Variants in TRIM17 observed in about 807,000 individuals in gnomAD.
The protein encoded by TRIM17 is E3 ubiquitin-protein ligase TRIM17.
In TRIM17, 27 loss-of-function variants were observed where a neutral mutation model predicts 35.8. That is an observed-to-expected ratio of 0.75 (90% CI 0.56 to 1.04). The LOEUF is 1.04. Ranked by LOEUF, TRIM17 falls within the 50% of genes least tolerant of loss-of-function variation. The probability of loss-of-function intolerance (pLI) is 0.00; values close to 1 mark genes in which losing one functional copy is unlikely to be tolerated. For synonymous variants in TRIM17, 246 were observed against 252.6 expected, an observed-to-expected ratio of 0.97 and a Z score of 0.25; for missense variants, 582 against 612.8, an observed-to-expected ratio of 0.95 and a Z score of 0.53.
chr1:228,413,067 C>T (rs185226536), intron 3 of TRIM17, among the ~76,000 whole-genome samples: 10 of 151,884 alleles, frequency 6.6e-5, no homozygotes, highest in Admixed American at 2.6e-4. Context: ...AAAAGTTAGT[C>T]GGGCATGGTG....
At chr1:228,413,273 G>T (rs887449563) in intron 3 of TRIM17, among the ~76,000 whole-genome samples, 3 of 151,322 alleles carry the variant, frequency 2.0e-5, no homozygotes, top group Admixed American at 2.0e-4. Flanking sequence ...AGTGGTCAAG[G>T]CATCTATACC....
At chr1:228,415,336 C>T (rs1011577797) in intron 1 of TRIM17, 2 of 450,768 alleles carry the variant, frequency 4.4e-6, no homozygotes, top group African/African-American at 3.9e-5. Flanking sequence ...CTCCTCTCCA[C>T]TGGGCCTGGA....
chr1:228,408,917 T>C lies in TRIM17; in HGVS notation c.884-166A>G. Reference sequence around the variant, plus strand: ...GTTACTTGATGCTTCCACACACCAATTGTGTGTGGGCCTTGGTGGCAATAA... The same window carrying C: ...GTTACTTGATGCTTCCACACACCAACTGTGTGTGGGCCTTGGTGGCAATAA... On this transcript the variant is annotated intron_variant, in intron 6 of 6. Coordinates refer to ENST00000366698, the MANE Select transcript of TRIM17 (RefSeq NM_016102.4). This position sits in a 1 kb window ranked among gnomAD's most constrained non-coding sequence, Gnocchi z 6.3. 6.7e-7 allele frequency: 1 copy of C among 1,485,920 alleles called. No individual in the cohort carries two copies. The highest frequency in any genetic ancestry group is 1.4e-5 in the South Asian group (1 of 72,834). 92.0% of individuals were successfully genotyped at this position (1,485,920 alleles called of 1,614,324 possible).
At position 228,411,100 on chromosome 1, in the gene TRIM17, TG is replaced by T. The variant is rs1274565181; in HGVS notation, c.601del (p.Gln201ArgfsTer54). 1.2e-6 allele frequency: 2 copies of T among 1,614,046 alleles called. No homozygotes were observed. The highest frequency in any genetic ancestry group is 2.7e-5 in the African/African-American group (2 of 74,940). On this transcript the variant is annotated frameshift_variant, in exon 4 of 7. Transcript: ENST00000366698. LOFTEE classifies it high-confidence loss of function. The surrounding 1 kb of genome is among the most constrained non-coding windows in gnomAD (Gnocchi z 4.2). Reference protein sequence around the residue: ...KMNLYLVEEEQRLLQALETEE... With the variant: ...KMNLYLVEEEXRLLQALETEE... The stretch of plus-strand genomic sequence containing the variant: ...CGTCTCCAGAGCCTGGAGGAGCCTC[TG>T]CTCTTCTTCCACCAGGTAGAGGTTC...
In TRIM17 at chr1:228,409,348, C is replaced by T. The variant is rs572464699; in HGVS notation, c.779+41G>A. On this transcript the variant is annotated intron_variant, in intron 5 of 6. Coordinates refer to ENST00000366698, the MANE Select transcript of TRIM17 (RefSeq NM_016102.4). Reference sequence around the variant, plus strand: ...CAGTCTTATTGTCCCCCCCGCCCACCGCTGCCACTGCCCCCGCCCCTGCCT... The same window carrying T: ...CAGTCTTATTGTCCCCCCCGCCCACTGCTGCCACTGCCCCCGCCCCTGCCT... 2.2e-5 allele frequency: 35 copies of T among 1,597,024 alleles called. No individual in the cohort carries two copies. The Middle Eastern group carries it at 6.0e-4, about 27-fold the overall frequency.
rs533163527 is a variant in TRIM17, at chr1:228,408,939, A to G, written c.884-188T>C. ...CAATTGTGTGTGGGCCTTGGTGGCA[A>G]TAAGGTACAGGGGGCTGGGCAGAGA... On this transcript the variant is annotated intron_variant, in intron 6 of 6. Coordinates refer to ENST00000366698, the MANE Select transcript of TRIM17 (RefSeq NM_016102.4). This position sits in a 1 kb window ranked among gnomAD's most constrained non-coding sequence, Gnocchi z 6.3. The G allele has an allele frequency of 3.4e-6, 5 of 1,491,078 alleles. No individual in the cohort carries two copies. The East Asian group carries it at 1.2e-4, about 37-fold the overall frequency. The allele number at this position is 1,491,078 out of a possible 1,614,324, so 92.4% of individuals were successfully genotyped here. A position where few individuals can be genotyped will look rare whatever the true frequency, so the allele number is the denominator to read the frequency against.
rs1453392173 is a variant in TRIM17 at position 228,410,733 on chromosome 1, G to A, written c.756+213C>T. Among the ~76,000 whole-genome samples, 1 of 152,146 alleles carries A rather than the reference G, an allele frequency of 6.6e-6. No individual in the cohort carries two copies. Among genetic ancestry groups the A allele is most frequent in the Non-Finnish European group, 1.5e-5 (1 of 68,012 alleles). On this transcript the variant is annotated intron_variant, in intron 4 of 6. Coordinates refer to ENST00000366698, the MANE Select transcript of TRIM17 (RefSeq NM_016102.4). This position sits in a 1 kb window ranked among gnomAD's most constrained non-coding sequence, Gnocchi z 4.6. ...CATAGAGAGATGATGCCATGAGGAC[G>A]CGGGGAGGAGACGGCATCTTCAGGC... is the stretch of plus-strand genomic sequence containing the variant.
rs750850715 is a variant in TRIM17, at chr1:228,411,186, TG to T, written c.526-11del. On this transcript the variant is annotated splice_polypyrimidine_tract_variant and intron_variant, in intron 3 of 6. Transcript: ENST00000366698. This position sits in a 1 kb window ranked among gnomAD's most constrained non-coding sequence, Gnocchi z 4.2. ...GCTCCTTCACCTTGCCCTGCAGGAG[TG>T]GAGAAGCCCAGCATGTTGCCAGCAG... is the stretch of plus-strand genomic sequence containing the variant. 5.6e-6 allele frequency: 9 copies of T among 1,593,492 alleles called. No individual in the cohort carries two copies. Among genetic ancestry groups the T allele is most frequent in the Non-Finnish European group, 6.8e-6 (8 of 1,168,766 alleles).
intron 2 of TRIM17, 69 bp downstream of exon 2, chr1:228,414,575 A>T: frequency 7.3e-7 from 1 of 1,377,898 alleles, no homozygotes; most frequent in Non-Finnish European, 1.0e-6. Context: ...CTCCCCCATG[A>T]TCTGGGTCAC....
chr1:228,409,366 C>T (rs1245773127), intron 5 of TRIM17, 23 bp downstream of exon 5: 1 of 1,589,012 alleles, frequency 6.3e-7, no homozygotes, highest in South Asian at 1.1e-5. Context: ...CTGCCCCCGC[C>T]CCTGCCTGAG....
intron 4 of TRIM17, among the ~76,000 whole-genome samples, chr1:228,409,849 G>C (rs1656682476): frequency 6.6e-6 from 1 of 152,128 alleles, no homozygotes; most frequent in Non-Finnish European, 1.5e-5. Flanking sequence ...AGCCTCTTTA[G>C]GGATTCAGAG....
rs542155252 is a variant in TRIM17 at position 228,407,974 on chromosome 1, C to A, written c.*227G>T. On this transcript the variant is annotated 3_prime_UTR_variant, in exon 7 of 7. Transcript: ENST00000366698. ...GTATGGATTTAGAAATCGGTCCACT[C>A]AGAACGCAGGGGCTTTCAAAAGTTT... 7.8e-6 allele frequency: 3 copies of A among 386,888 alleles called. No individual in the cohort carries two copies. The South Asian group carries it at 2.9e-4, about 38-fold the overall frequency. 24.0% of individuals were successfully genotyped at this position (386,888 alleles called of 1,614,324 possible).
chr1:228,413,574 T>G (rs1338617032), intron 3 of TRIM17, among the ~76,000 whole-genome samples: 1 of 152,232 alleles, frequency 6.6e-6, no homozygotes, highest in Non-Finnish European at 1.5e-5. Context: ...CCACCCTATG[T>G]GTGCATCTGT....
At position 228,408,991 on chromosome 1, in the gene TRIM17, TC is replaced by T. The variant is rs1656615789; in HGVS notation, c.883+180del. ...ACCACTGGGAACTCAACAAGATTCA[TC>T]CCATGAATTAGAACCACCAGTAACG... On this transcript the variant is annotated intron_variant, in intron 6 of 6. Transcript: ENST00000366698. The surrounding 1 kb of genome is among the most constrained non-coding windows in gnomAD (Gnocchi z 6.3). 1 of 1,542,500 alleles carries T rather than the reference TC, an allele frequency of 6.5e-7. No homozygotes were observed. Among genetic ancestry groups the T allele is most frequent in the Non-Finnish European group, 8.8e-7 (1 of 1,142,002 alleles).
Position 228,416,766 on chromosome 1 carries a change from G to A in TRIM17, c.-269C>T. On this transcript the variant is annotated 5_prime_UTR_variant, in exon 1 of 7. Coordinates refer to ENST00000366698, the MANE Select transcript of TRIM17 (RefSeq NM_016102.4). ...GTTCGGCGGCCGGGACTGGGGCGGC[G>A]CCTCTTAGGAGAGGTTGGGGGTGGC... 1 of 983,618 alleles carries A rather than the reference G, an allele frequency of 1.0e-6. No homozygotes were observed. The highest frequency in any genetic ancestry group is 1.2e-6 in the Non-Finnish European group (1 of 828,996). The allele number at this position is 983,618 out of a possible 1,614,324, so 60.9% of individuals were successfully genotyped here.
Position 228,408,294 on chromosome 1 carries a change from G to C in TRIM17, c.1341C>G (p.Thr447=), listed in dbSNP as rs1268215208. The stretch of plus-strand genomic sequence containing the variant: ...AGAAAGGCTGCAGGGGGCCTGGGAA[G>C]GTGGCCTGGGAGTAGGTGTGCAGGT... ...GSHLHTYSQA[T]FPGPLQPFFC... is the part of the protein sequence containing the mutation. The change falls in exon 7 of 7, where the codon ACC becomes ACG. Residue 447 remains threonine, a synonymous_variant. Transcript: ENST00000366698. This position sits in a 1 kb window ranked among gnomAD's most constrained non-coding sequence, Gnocchi z 6.3. The C allele has an allele frequency of 6.2e-7, 1 of 1,605,790 alleles. No homozygotes were observed. The highest frequency in any genetic ancestry group is 1.1e-5 in the South Asian group (1 of 90,420).
rs1656988680 is a variant in TRIM17, at chr1:228,414,744, C to T, written c.329G>A (p.Cys110Tyr). ...QEHHEPLKLF[C>Y]QKDQSPICVV... ...ACAGATGGGGCTCTGGTCCTTCTGG[C>T]AGAAAAGCTTGAGGGGCTCGTGGTG... Residue 110 changes from cysteine to tyrosine, a missense_variant, in exon 2 of 7, where the codon TGC becomes TAC. Physicochemically the swap from Cys to Tyr is radical, Grantham distance 194. Transcript: ENST00000366698. The T allele has an allele frequency of 1.2e-6, 2 of 1,612,752 alleles. No individual in the cohort carries two copies. The highest frequency in any genetic ancestry group is 1.3e-5 in the African/African-American group (1 of 74,928).
At position 228,416,571 on chromosome 1, in the gene TRIM17, G is replaced by T; in HGVS notation, c.-74C>A. On this transcript the variant is annotated 5_prime_UTR_variant, in exon 1 of 7. Coordinates refer to ENST00000366698, the MANE Select transcript of TRIM17 (RefSeq NM_016102.4). ...AAGGGGGGCCCGCACAGCGCCTAGT[G>T]CACCTGGCCGAGCGCTCGCTGCCGG... 4.1e-6 allele frequency: 4 copies of T among 985,684 alleles called. No homozygotes were observed. Among genetic ancestry groups the T allele is most frequent in the Non-Finnish European group, 4.8e-6 (4 of 830,230 alleles). 61.1% of individuals were successfully genotyped at this position (985,684 alleles called of 1,614,324 possible).
Position 228,410,032 on chromosome 1 carries a change from G to A in TRIM17, c.757-621C>T, listed in dbSNP as rs1184191731. Among the ~76,000 whole-genome samples, 2 of 152,088 alleles carry A rather than the reference G, an allele frequency of 1.3e-5. No individual in the cohort carries two copies. Among genetic ancestry groups the A allele is most frequent in the Non-Finnish European group, 1.5e-5 (1 of 68,020 alleles). On this transcript the variant is annotated intron_variant, in intron 4 of 6. Coordinates refer to ENST00000366698, the MANE Select transcript of TRIM17 (RefSeq NM_016102.4). This position sits in a 1 kb window ranked among gnomAD's most constrained non-coding sequence, Gnocchi z 4.6. ...GGAGCACCCTTCTACCAGCTGCAGG[G>A]GCTTTTCCCTCAGTTGGTCAGCAAA...
Sources: allele counts gnomAD v4.1 joint callset (sites outside exome capture counted in the v4.1 genomes callset), GRCh38; gene constraint gnomAD v4.1.1; non-coding constraint Gnocchi (gnomAD v3.1); transcripts MANE v1.5; gene names NCBI Gene and HGNC (gene_info 2026-07-23, HGNC 2026-07-21).